PRICKLE2: variants seen among roughly 807,000 people sequenced by gnomAD.
PRICKLE2 encodes prickle planar cell polarity protein 2.
In PRICKLE2, 21 loss-of-function variants were observed where a neutral mutation model predicts 81.4. That is an observed-to-expected ratio of 0.26 (90% CI 0.18 to 0.37). PRICKLE2 has a LOEUF of 0.37. PRICKLE2 is among the 10% of genes least tolerant of loss of function. The pLI is 1.00. For synonymous variants in PRICKLE2, 456 were observed against 421.5 expected (o/e 1.08, Z -1.00); for missense variants, 940 against 1,109.0 (o/e 0.85, Z 2.16).
chr3:64,259,429 C>T (rs147497411), intron 2 of PRICKLE2, among the ~76,000 whole-genome samples: 1 of 152,168 alleles, frequency 6.6e-6, no homozygotes, highest in Non-Finnish European at 1.5e-5. Context: ...AACACCCTTG[C>T]TGCCTCTTCC....
intron 2 of PRICKLE2, among the ~76,000 whole-genome samples, chr3:64,196,978 C>A (rs932974790): frequency 4.6e-5 from 7 of 152,228 alleles, no homozygotes; most frequent in East Asian, 3.9e-4. Flanking sequence ...TAAAACAATA[C>A]CTTGCTGGCT....
intron 1 of PRICKLE2, among the ~76,000 whole-genome samples, chr3:64,223,074 A>C (rs1461347141): frequency 6.6e-6 from 1 of 152,244 alleles, no homozygotes; most frequent in Admixed American, 6.5e-5. Context: ...TGGATATAAC[A>C]GTACCAGAGA....
chr3:64,263,993 C>T (rs1042251427), intron 2 of PRICKLE2, among the ~76,000 whole-genome samples: 25 of 152,006 alleles, frequency 1.6e-4, no homozygotes, highest in Non-Finnish European at 1.9e-4. Flanking sequence ...GGCAGAGTGG[C>T]GGCAGGGCAG....
intron 2 of PRICKLE2, among the ~76,000 whole-genome samples, chr3:64,165,065 T>C (rs1389987724): frequency 1.3e-5 from 2 of 152,192 alleles, no homozygotes; most frequent in Non-Finnish European, 1.5e-5. Flanking sequence ...ATTGTCGTTA[T>C]GGAACATTAG....
intron 2 of PRICKLE2, among the ~76,000 whole-genome samples, chr3:64,250,538 G>A (rs1396243757): frequency 6.6e-6 from 1 of 152,222 alleles, no homozygotes; most frequent in African/African-American, 2.4e-5. Flanking sequence ...GTCCATGAAT[G>A]TATGTTATCA....
At chr3:64,264,601 A>G (rs1472031657) in intron 2 of PRICKLE2, among the ~76,000 whole-genome samples, 10 of 152,212 alleles carry the variant, frequency 6.6e-5, no homozygotes, top group African/African-American at 2.4e-4. Flanking sequence ...AATTTATCTA[A>G]CATCCAACTC....
At chr3:64,186,185 A>G (rs529891509) in intron 2 of PRICKLE2, among the ~76,000 whole-genome samples, 2 of 152,340 alleles carry the variant, frequency 1.3e-5, no homozygotes, top group East Asian at 1.9e-4. Flanking sequence ...CTGTGGATAG[A>G]CTTTTGAGTT....
At position 64,177,032 on chromosome 3, in the gene PRICKLE2, A is replaced by T. The variant is rs541216522; in HGVS notation, c.145-13903T>A. Among the ~76,000 whole-genome samples the T allele has an allele frequency of 2.0e-5, 3 of 152,118 alleles. No individual in the cohort carries two copies. The East Asian group carries it at 5.8e-4, about 29-fold the overall frequency. On this transcript the variant is annotated intron_variant, in intron 2 of 7. Coordinates refer to ENST00000638394, the MANE Select transcript of PRICKLE2 (RefSeq NM_198859.4). ...GCTAGAGTATGACACAATATCTCAA[A>T]CACCACCAAAATATCACTAGTTTTG...
At chr3:64,223,215 A>G (rs1266642955) in intron 1 of PRICKLE2, among the ~76,000 whole-genome samples, 8 of 152,224 alleles carry the variant, frequency 5.3e-5, no homozygotes, top group Non-Finnish European at 7.3e-5. Context: ...AACAACAACA[A>G]CAACAATAGC....
At chr3:64,198,586 A>T (rs1202743441) in intron 2 of PRICKLE2, 198 bp downstream of exon 2, 1 of 650,508 alleles carries the variant, frequency 1.5e-6, no homozygotes, top group Non-Finnish European at 2.8e-6. Context: ...AGAATGAATT[A>T]GCAATGGATC....
intron 2 of PRICKLE2, among the ~76,000 whole-genome samples, chr3:64,244,621 TGTG>T (rs987554223): frequency 1.1e-4 from 17 of 151,304 alleles, no homozygotes; most frequent in Admixed American, 7.2e-4. Flanking sequence ...TGTGTGTGTG[TGTG>T]TGTGTGTGTG....
chr3:64,261,476 A>C (rs2079614197), intron 2 of PRICKLE2, among the ~76,000 whole-genome samples: 1 of 152,114 alleles, frequency 6.6e-6, no homozygotes, highest in South Asian at 2.1e-4. Context: ...TGAAAATAAA[A>C]TATTTTGGAT....
intron 1 of PRICKLE2, among the ~76,000 whole-genome samples, chr3:64,210,087 C>T (rs1003460915): frequency 6.6e-6 from 1 of 152,148 alleles, no homozygotes; most frequent in African/African-American, 2.4e-5. Flanking sequence ...ACCAAACTGG[C>T]TGGGCCACTG....
intron 1 of PRICKLE2, among the ~76,000 whole-genome samples, chr3:64,202,671 TG>T (rs2078608026): frequency 6.6e-6 from 1 of 151,974 alleles, no homozygotes; most frequent in African/African-American, 2.4e-5. Context: ...TGTGTGTGTG[TG>T]TATTCTTTAG....
intron 2 of PRICKLE2, among the ~76,000 whole-genome samples, chr3:64,180,743 G>A (rs1443209207): frequency 6.6e-6 from 1 of 152,132 alleles, no homozygotes; most frequent in African/African-American, 2.4e-5. Context: ...ATGTTGGCCA[G>A]GCTGGTCTCA....
Position 64,126,625 on chromosome 3 carries a change from T to C in PRICKLE2, c.1660+20205A>G, listed in dbSNP as rs559427220. On this transcript the variant is annotated intron_variant, in intron 7 of 7. Transcript: ENST00000638394. ...CGGAGTCTTGCTCTGTTGCCCAGGC[T>C]GGAGTGCAGTTGCATGATCTCAGCT... 5.9e-5 allele frequency among the ~76,000 whole-genome samples: 9 copies of C among 152,328 alleles called. No individual in the cohort carries two copies. In the East Asian group the frequency reaches 1.3e-3, roughly 23 times the overall value.
rs533804165 is a variant in PRICKLE2, at chr3:64,123,429, G to T, written c.1660+23401C>A. Among the ~76,000 whole-genome samples the T allele has an allele frequency of 3.3e-5, 5 of 152,302 alleles. No individual in the cohort carries two copies. In the South Asian group the frequency reaches 1.0e-3, roughly 32 times the overall value. ...GCTCAAGGGAGCATTTCAAGTTTTG[G>T]ATTTTTAGATTAGTGATGCTCAACT... On this transcript the variant is annotated intron_variant, in intron 7 of 7. Transcript: ENST00000638394.
chr3:64,220,453 C>T (rs1198763950), intron 1 of PRICKLE2, among the ~76,000 whole-genome samples: 1 of 152,180 alleles, frequency 6.6e-6, no homozygotes, highest in Non-Finnish European at 1.5e-5. Context: ...GAAAACATAC[C>T]AACCGGAAGT....
At chr3:64,237,132 C>T (rs1004792620) in intron 2 of PRICKLE2, among the ~76,000 whole-genome samples, 3 of 152,092 alleles carry the variant, frequency 2.0e-5, no homozygotes, top group Admixed American at 6.5e-5. Flanking sequence ...CATGCAAGCC[C>T]GCAGCAGTGT....
Sources: allele counts gnomAD v4.1 joint callset (sites outside exome capture counted in the v4.1 genomes callset), GRCh38; gene constraint gnomAD v4.1.1; transcripts MANE v1.5; gene names NCBI Gene and HGNC (gene_info 2026-07-23, HGNC 2026-07-21).